SLC35E4: variants seen among roughly 807,000 people sequenced by gnomAD.
SLC35E4 encodes solute carrier family 35 member E4.
SLC35E4 carries 15 observed loss-of-function variants against 19.3 expected under a neutral mutation model. The observed-to-expected ratio is 0.78, with a 90% confidence interval of 0.52 to 1.20. SLC35E4 has a LOEUF of 1.20. Ranked by LOEUF, SLC35E4 falls within the 50% of genes most tolerant of loss-of-function variation. The probability of loss-of-function intolerance (pLI) is 0.00; values close to 1 mark genes in which losing one functional copy is unlikely to be tolerated. For missense variants in SLC35E4, 406 were observed against 472.3 expected (o/e 0.86, Z 1.30); for synonymous variants, 219 against 219.9 (o/e 1.00, Z 0.04).
At chr22:30,650,907 C>T (rs1384648140), downstream of SLC35E4, among the ~76,000 whole-genome samples, 1 of 152,072 alleles carries the variant, frequency 6.6e-6, no homozygotes, top group African/African-American at 2.4e-5. Flanking sequence ...CCATTGTGGA[C>T]TTCGAAACAA....
downstream of SLC35E4, chr22:30,663,843 A>T: frequency 2.5e-6 from 4 of 1,614,214 alleles, no homozygotes; most frequent in Non-Finnish European, 2.5e-6. Flanking sequence ...CACTACCTCC[A>T]CTGAGACATT....
downstream of SLC35E4, among the ~76,000 whole-genome samples, chr22:30,650,489 C>G (rs1158323199): frequency 6.6e-6 from 1 of 152,186 alleles, no homozygotes; most frequent in African/African-American, 2.4e-5. Context: ...GAATGAGACT[C>G]CATCTCAAAA....
chr22:30,651,419 ATATATATATTTTTTTTTTTTTTTTT>A (rs2088215170), downstream of SLC35E4, among the ~76,000 whole-genome samples: 6 of 64,358 alleles, frequency 9.3e-5, no homozygotes, highest in South Asian at 4.9e-4. Context: ...ATATATATAT[ATATATATATTTTTTTTTTTTTTTTT>A]TTTTTTTTTT....
chr22:30,659,560 C>CG (rs1238668538), intron 2 of SLC35E4, among the ~76,000 whole-genome samples: 2 of 151,944 alleles, frequency 1.3e-5, no homozygotes, highest in African/African-American at 4.8e-5. Context: ...TTTTTAGAGA[C>CG]GGGGTTTCAA....
chr22:30,654,349 G>A, intron 2 of SLC35E4: 1 of 464,012 alleles, frequency 2.2e-6, no homozygotes, highest in Non-Finnish European at 4.3e-6. Flanking sequence ...CTCCTCCAGG[G>A]TGGCTGTCAC....
chr22:30,663,415 A>G (rs777330023), downstream of SLC35E4: 17 of 1,590,496 alleles, frequency 1.1e-5, no homozygotes, highest in East Asian at 1.6e-4. Context: ...TCTGACTCCA[A>G]TGCAGGGGCT....
Position 30,636,598 on chromosome 22 carries a change from G to T in SLC35E4, c.148G>T (p.Ala50Ser). 6.2e-7 allele frequency: 1 copy of T among 1,607,562 alleles called. No individual in the cohort carries two copies. The highest frequency in any genetic ancestry group is 8.5e-7 in the Non-Finnish European group (1 of 1,177,262). ...ALRQPGRARV[A>S]MAALVWLLAG... ...CCGGCAGCCTGGCCGGGCCCGAGTG[G>T]CCATGGCAGCACTGGTGTGGCTGCT... The change falls in exon 1 of 2, where the codon GCC (alanine) becomes TCC (serine). Residue 50 changes from alanine to serine, a missense_variant. Ala to Ser is a moderately conservative substitution (Grantham distance 99). Coordinates refer to ENST00000343605, the MANE Select transcript of SLC35E4 (RefSeq NM_001001479.4).
intron 2 of SLC35E4, among the ~76,000 whole-genome samples, chr22:30,656,820 A>T (rs993219916): frequency 6.6e-6 from 1 of 152,336 alleles, no homozygotes; most frequent in Non-Finnish European, 1.5e-5. Context: ...AAAGAGAGTT[A>T]AAAAGGAGGA....
chr22:30,653,368 CTCCT>C (rs1175942655), intron 2 of SLC35E4, among the ~76,000 whole-genome samples: 1 of 151,700 alleles, frequency 6.6e-6, no homozygotes, highest in Non-Finnish European at 1.5e-5. Flanking sequence ...TGCCCCCTTC[CTCCT>C]TCTTTTTTTT....
chr22:30,637,594 T>G (rs2087971402), intron 1 of SLC35E4, among the ~76,000 whole-genome samples: 1 of 152,154 alleles, frequency 6.6e-6, no homozygotes, highest in Non-Finnish European at 1.5e-5. Context: ...TCTTGCTATG[T>G]TGCCAAGGTA....
chr22:30,651,437 T>A (rs1488826543), downstream of SLC35E4, among the ~76,000 whole-genome samples: 18 of 56,694 alleles, frequency 3.2e-4, no homozygotes, highest in African/African-American at 5.3e-4. Flanking sequence ...ATTTTTTTTT[T>A]TTTTTTTTTT....
At chr22:30,651,371 T>TTTTTTTTTTG (rs1555899345), downstream of SLC35E4, among the ~76,000 whole-genome samples, 1 of 41,202 alleles carries the variant, frequency 2.4e-5, no homozygotes, top group African/African-American at 1.1e-4. Flanking sequence ...TGGCTAATTT[T>TTTTTTTTTTG]TGTGTGTGTG....
At chr22:30,649,891 A>C (rs911640601), downstream of SLC35E4, among the ~76,000 whole-genome samples, 1 of 149,424 alleles carries the variant, frequency 6.7e-6, no homozygotes. Context: ...GGGACAGGTA[A>C]TTGGGGTTGT....
downstream of SLC35E4, among the ~76,000 whole-genome samples, chr22:30,650,824 G>T (rs1403624200): frequency 6.6e-6 from 1 of 152,184 alleles, no homozygotes; most frequent in Non-Finnish European, 1.5e-5. Flanking sequence ...TAGCAGCGTG[G>T]ATGCCAAGCC....
downstream of SLC35E4, among the ~76,000 whole-genome samples, chr22:30,652,489 C>A (rs2088241217): frequency 6.6e-6 from 1 of 151,764 alleles, no homozygotes; most frequent in African/African-American, 2.4e-5. Flanking sequence ...TCATTTTAAT[C>A]TATAAACTAT....
chr22:30,646,445 C>T (rs945552354), intron 1 of SLC35E4, among the ~76,000 whole-genome samples, 153 bp from the exon 2 acceptor site: 1 of 152,114 alleles, frequency 6.6e-6, no homozygotes, highest in African/African-American at 2.4e-5. Context: ...GGTCTGACTC[C>T]AACTCTTGAC....
Position 30,646,855 on chromosome 22 carries a change from G to T in SLC35E4, c.877G>T (p.Val293Leu). 6.2e-7 allele frequency: 1 copy of T among 1,614,246 alleles called. No individual in the cohort carries two copies. The highest frequency in any genetic ancestry group is 8.5e-7 in the Non-Finnish European group (1 of 1,180,048). Residue 293 changes from valine to leucine, a missense_variant, in exon 2 of 2, where the codon GTG becomes TTG. By Grantham distance (32) the Val-to-Leu change is conservative (BLOSUM62 1). Transcript: ENST00000343605. ...CCACGTCCTGGGCAACCTCACCGTG[G>T]TGGGCAACCTCATCCTGTCCCGGCT... ...TVHVLGNLTV[V>L]GNLILSRLLF...
intron 2 of SLC35E4, among the ~76,000 whole-genome samples, chr22:30,660,559 AG>A (rs371966581): frequency 5.7e-4 from 87 of 152,366 alleles, no homozygotes; most frequent in African/African-American, 1.9e-3. Flanking sequence ...ATGACACAGA[AG>A]TACAGGACAG....
downstream of SLC35E4, chr22:30,667,069 C>T (rs2088699671): frequency 6.6e-6 from 1 of 152,164 alleles, no homozygotes; most frequent in East Asian, 1.9e-4. Context: ...AAAATAGCAA[C>T]TCGGTAGCAG....
Sources: allele counts gnomAD v4.1 joint callset (sites outside exome capture counted in the v4.1 genomes callset), GRCh38; gene constraint gnomAD v4.1.1; transcripts MANE v1.5; gene names NCBI Gene and HGNC (gene_info 2026-07-23, HGNC 2026-07-21).